The following OPA1 variants were observed in gnomAD, a reference collection of about 807,000 sequenced individuals.
The protein encoded by OPA1 is OPA1 mitochondrial dynamin like GTPase.
Under a neutral mutation model 152.9 loss-of-function variants are expected in OPA1, and 59 were observed. The observed-to-expected ratio is 0.39, with a 90% CI of 0.31 to 0.48. The LOEUF (loss-of-function observed/expected upper bound fraction) is 0.48. OPA1 is among the 20% of genes least tolerant of loss of function. The pLI is 0.96. For synonymous variants in OPA1, 400 were observed against 389.9 expected (o/e 1.03, Z -0.31); for missense variants, 1,008 against 1,216.8 (o/e 0.83, Z 2.55).
intron 22 of OPA1, 154 bp downstream of exon 22, chr3:193,655,181 AC>A: frequency 1.4e-6 from 1 of 703,768 alleles, no homozygotes; most frequent in Admixed American, 2.9e-5. Flanking sequence ...TTTGGGACTA[AC>A]CTTAATGTTG....
At chr3:193,676,996 A>C (rs748823041) in intron 29 of OPA1, among the ~76,000 whole-genome samples, 3,427 of 150,944 alleles carry the variant, frequency 0.023, 54 homozygotes, top group Non-Finnish European at 0.03. Context: ...AAAAAAAAAA[A>C]AAAAAAAAGT....
chr3:193,611,480 G>A (rs535027553), intron 1 of OPA1, among the ~76,000 whole-genome samples: 13 of 151,462 alleles, frequency 8.6e-5, no homozygotes, highest in African/African-American at 2.7e-4. Context: ...GCCTGTAGTC[G>A]CAGCTACTCG....
intron 1 of OPA1, among the ~76,000 whole-genome samples, chr3:193,606,686 T>A (rs561193183): frequency 1.3e-5 from 2 of 152,216 alleles, no homozygotes; most frequent in Non-Finnish European, 2.9e-5. Context: ...TTTGTGTTGG[T>A]TCCAAGTCTT....
chr3:193,650,550 A>G lies in OPA1; in HGVS notation c.2012+1679A>G, dbSNP rs532808937. 1.1e-4 allele frequency among the ~76,000 whole-genome samples: 16 copies of G among 152,322 alleles called. No individual in the cohort carries two copies. In the South Asian group the frequency reaches 3.3e-3, roughly 32 times the overall value. ...GTGATATTTTAGGACACTGCCTAAA[A>G]TGTTTACAATTATTTAAGTCATAAG... On this transcript the variant is annotated intron_variant, in intron 21 of 30. Transcript: ENST00000361510.
chr3:193,635,988 T>C (rs79868343), intron 9 of OPA1, among the ~76,000 whole-genome samples: 3,687 of 152,290 alleles, frequency 0.024, 162 homozygotes, highest in African/African-American at 0.085. Flanking sequence ...CGAAAAAGTG[T>C]GTGCTGGTAT....
intron 1 of OPA1, among the ~76,000 whole-genome samples, chr3:193,610,025 TTC>T (rs1560319610): frequency 6.6e-6 from 1 of 152,236 alleles, no homozygotes; most frequent in Non-Finnish European, 1.5e-5. Flanking sequence ...TGAAGTCTTC[TTC>T]TCTCAGCTCG....
chr3:193,652,406 A>C (rs78936762), intron 21 of OPA1, among the ~76,000 whole-genome samples: 3 of 151,962 alleles, frequency 2.0e-5, no homozygotes, highest in African/African-American at 2.4e-5. Flanking sequence ...AAAAAAAAAA[A>C]CCATAGAATA....
At chr3:193,597,444 A>T (rs2108778398) in intron 1 of OPA1, among the ~76,000 whole-genome samples, 1 of 152,298 alleles carries the variant, frequency 6.6e-6, no homozygotes, top group Non-Finnish European at 1.5e-5. Context: ...TAATCCCAGC[A>T]CTTTGGGAGG....
intron 1 of OPA1, among the ~76,000 whole-genome samples, chr3:193,611,667 G>A (rs958655914): frequency 6.7e-6 from 1 of 148,328 alleles, no homozygotes; most frequent in Non-Finnish European, 1.5e-5. Context: ...ACTTCCCATT[G>A]CAACTTATGT....
At chr3:193,601,814 A>G (rs1726512330) in intron 1 of OPA1, among the ~76,000 whole-genome samples, 2 of 152,190 alleles carry the variant, frequency 1.3e-5, no homozygotes, top group African/African-American at 4.8e-5. Context: ...AGCAAGTACT[A>G]GTGATGTTTA....
intron 7 of OPA1, chr3:193,628,672 A>G (rs983427742): frequency 6.6e-6 from 1 of 152,180 alleles, no homozygotes; most frequent in African/African-American, 2.4e-5. Flanking sequence ...CAGGACATGA[A>G]CTTGTTCTTG....
At chr3:193,612,557 A>G (rs1728419461) in intron 1 of OPA1, among the ~76,000 whole-genome samples, 1 of 152,060 alleles carries the variant, frequency 6.6e-6, no homozygotes. Flanking sequence ...GGGGGCTTTG[A>G]TCCCCTTTTT....
intron 29 of OPA1, among the ~76,000 whole-genome samples, chr3:193,679,716 G>T (rs528996989): frequency 6.6e-6 from 1 of 151,956 alleles, no homozygotes; most frequent in African/African-American, 2.4e-5. Context: ...TTTTTGATAC[G>T]TGTTAAGGAT....
chr3:193,615,832 T>C lies in OPA1; in HGVS notation c.448+62T>C. The C allele has an allele frequency of 1.1e-5, 10 of 930,398 alleles. 1 individual carries two copies. The South Asian group carries it at 1.2e-4, about 11-fold the overall frequency. 57.6% of individuals were successfully genotyped at this position (930,398 alleles called of 1,614,324 possible). A position where few individuals can be genotyped will look rare whatever the true frequency, so the allele number is the denominator to read the frequency against. ...ATCTCGAGGAAAGAGAAATAGTTTA[T>C]TGAGATAGTTTCTTAACTTATGAAC... On this transcript the variant is annotated intron_variant, in intron 3 of 30. Transcript: ENST00000361510.
At chr3:193,683,311 G>A (rs1426526517) in intron 29 of OPA1, among the ~76,000 whole-genome samples, 1 of 150,424 alleles carries the variant, frequency 6.6e-6, no homozygotes, top group Non-Finnish European at 1.5e-5. Context: ...TGAAGAAAGT[G>A]GTTTCTTGAG....
At chr3:193,611,533 G>T (rs1728240157) in intron 1 of OPA1, among the ~76,000 whole-genome samples, 1 of 146,816 alleles carries the variant, frequency 6.8e-6, no homozygotes, top group Non-Finnish European at 1.5e-5. Flanking sequence ...GGAGGCAGAG[G>T]TTGCAGTGAG....
intron 1 of OPA1, among the ~76,000 whole-genome samples, chr3:193,596,197 C>CT (rs558965633): frequency 0.018 from 1,875 of 106,486 alleles, 40 homozygotes; most frequent in African/African-American, 0.038. Flanking sequence ...TGTTTTTCAC[C>CT]TTTTTTTTTT....
At chr3:193,638,516 G>C (rs529037003) in intron 11 of OPA1, among the ~76,000 whole-genome samples, 1 of 152,120 alleles carries the variant, frequency 6.6e-6, no homozygotes, top group Non-Finnish European at 1.5e-5. Flanking sequence ...TTAATTTTAC[G>C]TAAACACACT....
chr3:193,655,121 C>T (rs1270848186), intron 22 of OPA1, 94 bp downstream of exon 22: 29 of 1,175,668 alleles, frequency 2.5e-5, no homozygotes, highest in Non-Finnish European at 3.5e-5. Flanking sequence ...CAGCCTCTAT[C>T]TTTCTTTTAG....
Sources: gnomAD v4.1 joint callset for allele counts (sites outside exome capture counted in the v4.1 genomes callset) on GRCh38, gnomAD v4.1.1 for gene constraint, MANE v1.5 for transcripts, NCBI Gene and HGNC (gene_info 2026-07-23, HGNC 2026-07-21) for gene names.